The following BICD1 variants were observed in gnomAD, a reference collection of about 807,000 sequenced individuals.
BICD1 encodes the protein BICD cargo adaptor 1.
In BICD1, 35 loss-of-function variants were observed where a neutral mutation model predicts 92.5. The ratio of observed to expected loss-of-function variants is 0.38; its 90% CI spans 0.29 to 0.50. The LOEUF is 0.50. Among genes scored for constraint, BICD1 ranks in the 20% least tolerant of loss-of-function variants. The pLI is 0.93. For synonymous variants in BICD1, 429 were observed against 465.1 expected (o/e 0.92, Z 1.00); for missense variants, 950 against 1,189.8 (o/e 0.80, Z 2.97).
chr12:32,342,917 T>A (rs1212165442), intron 8 of BICD1, among the ~76,000 whole-genome samples: 1 of 152,236 alleles, frequency 6.6e-6, no homozygotes, highest in African/African-American at 2.4e-5. Context: ...AGTAATTGAT[T>A]AATGCATTAT....
At chr12:32,330,389 A>G (rs998823886) in intron 5 of BICD1, among the ~76,000 whole-genome samples, 1 of 138,842 alleles carries the variant, frequency 7.2e-6, no homozygotes, top group African/African-American at 2.7e-5. Flanking sequence ...ACACATGGAC[A>G]CAGGAAGGGG....
intron 8 of BICD1, among the ~76,000 whole-genome samples, chr12:32,364,716 C>T (rs953963122): frequency 2.0e-5 from 3 of 152,054 alleles, no homozygotes; most frequent in African/African-American, 2.4e-5. Flanking sequence ...CTTGGGAGGC[C>T]GAGGCAGGAA....
intron 1 of BICD1, among the ~76,000 whole-genome samples, chr12:32,213,093 C>T (rs912106996): frequency 2.0e-5 from 3 of 152,176 alleles, no homozygotes; most frequent in African/African-American, 7.2e-5. Context: ...CACTAACTAA[C>T]CTAAATAACT....
In BICD1 at chr12:32,220,754, A is replaced by G. The variant is rs1232395881; in HGVS notation, c.426+4295A>G. On this transcript the variant is annotated intron_variant, in intron 2 of 9. Transcript: ENST00000652176. ...CCATCCCATTACTGGGTATATACCC[A>G]AAGGATTATAAATCATGCTGCTATA... Among the ~76,000 whole-genome samples, 3 of 144,912 alleles carry G rather than the reference A, an allele frequency of 2.1e-5. No homozygotes were observed. The East Asian group carries it at 6.1e-4, about 29-fold the overall frequency.
intron 9 of BICD1, among the ~76,000 whole-genome samples, chr12:32,372,705 C>A (rs922984064): frequency 8.6e-5 from 13 of 151,912 alleles, no homozygotes; most frequent in Non-Finnish European, 1.8e-4. Flanking sequence ...TTGGTGAAAC[C>A]CTGTCCTTTA....
intron 1 of BICD1, among the ~76,000 whole-genome samples, chr12:32,167,013 T>A (rs539185085): frequency 1.3e-5 from 2 of 152,206 alleles, no homozygotes; most frequent in Non-Finnish European, 2.9e-5. Context: ...TATCCTTGGG[T>A]AATGGGTTTT....
chr12:32,324,380 G>A (rs1948726795), intron 4 of BICD1, among the ~76,000 whole-genome samples: 1 of 149,410 alleles, frequency 6.7e-6, no homozygotes, highest in Non-Finnish European at 1.5e-5. Flanking sequence ...AAAAAACTTA[G>A]GACACTGAGC....
intron 1 of BICD1, among the ~76,000 whole-genome samples, chr12:32,200,732 A>C (rs1944882349): frequency 6.6e-6 from 1 of 152,220 alleles, no homozygotes; most frequent in South Asian, 2.1e-4. Flanking sequence ...CTTATATGCA[A>C]CATAGGGAAT....
rs184330674 is a variant in BICD1, at chr12:32,195,714, T to C, written c.214-20533T>C. Among the ~76,000 whole-genome samples the C allele has an allele frequency of 1.8e-3, 269 of 152,294 alleles. 2 individuals are homozygous for C. The highest frequency in any genetic ancestry group is 6.0e-3 in the African/African-American group (250 of 41,564). ...TCAGCAAAAAGCTCAACCTTGGTCT[T>C]GGCAATGATTTTTTTGGAAATGACA... On this transcript the variant is annotated intron_variant, in intron 1 of 9. Transcript: ENST00000652176.
intron 8 of BICD1, among the ~76,000 whole-genome samples, chr12:32,345,019 G>A (rs1048668726): frequency 1.3e-5 from 2 of 152,188 alleles, no homozygotes; most frequent in Non-Finnish European, 2.9e-5. Flanking sequence ...AATCAAAAAT[G>A]TTAATTCCTG....
At position 32,350,182 on chromosome 12, in the gene BICD1, T is replaced by C. The variant is rs80258387; in HGVS notation, c.2764+11203T>C. Among the ~76,000 whole-genome samples, 739 of 152,324 alleles carry C rather than the reference T, an allele frequency of 4.9e-3. 3 individuals are homozygous for C. Among genetic ancestry groups the C allele is most frequent in the Non-Finnish European group, 8.6e-3 (585 of 68,026 alleles). ...CCAGGCTTGCTACTTCCCATTCCTT[T>C]ATTTTAAATGATGTAGTGAGCCAGG... On this transcript the variant is annotated intron_variant, in intron 8 of 9. Transcript: ENST00000652176.
At chr12:32,236,461 T>C (rs1946076185) in intron 2 of BICD1, among the ~76,000 whole-genome samples, 1 of 152,124 alleles carries the variant, frequency 6.6e-6, no homozygotes, top group Non-Finnish European at 1.5e-5. Context: ...TTCTGAGTGC[T>C]CCACCCACCA....
intron 2 of BICD1, among the ~76,000 whole-genome samples, chr12:32,252,086 A>AAATATATATTTATAATAAATATTATAT (rs1946556094): frequency 3.7e-5 from 1 of 27,054 alleles, no homozygotes; most frequent in Admixed American, 3.1e-4. Flanking sequence ...ATATATTTAT[A>AAATATATATTTATAATAAATATTATAT]AATATATATT....
At chr12:32,121,335 G>C (rs1942142784) in intron 1 of BICD1, among the ~76,000 whole-genome samples, 1 of 151,532 alleles carries the variant, frequency 6.6e-6, no homozygotes, top group Non-Finnish European at 1.5e-5. Flanking sequence ...GCTCATGCCT[G>C]TAATCCCAGA....
chr12:32,381,270 A>T lies in BICD1; in HGVS notation c.*3643A>T, dbSNP rs1294010067. On this transcript the variant is annotated 3_prime_UTR_variant, in exon 10 of 10. Transcript: ENST00000652176. ...TTGTTCAGAATATAGGACTTTTACT[A>T]AAAAAATTCAATTGTCAGAGTCTAA... The T allele has an allele frequency of 1.3e-5, 2 of 152,090 alleles. No individual in the cohort carries two copies. The highest frequency in any genetic ancestry group is 4.1e-4 in the South Asian group (2 of 4,826). The allele number at this position is 152,090 out of a possible 1,614,324, so 9.4% of individuals were successfully genotyped here. A position where few individuals can be genotyped will look rare whatever the true frequency, so the allele number is the denominator to read the frequency against.
Position 32,328,786 on chromosome 12 carries a change from A to G in BICD1, c.2100+231A>G, listed in dbSNP as rs1475827018. On this transcript the variant is annotated intron_variant, in intron 5 of 9. Transcript: ENST00000652176. The surrounding 1 kb of genome is among the most constrained non-coding windows in gnomAD (Gnocchi z 4.4). ...GCAGAGGTGAGGAACTTAAAGCAGGAACACAGGAGAAGATCTAGATGCCTT... is the reference window on the plus strand; with the variant it reads ...GCAGAGGTGAGGAACTTAAAGCAGGGACACAGGAGAAGATCTAGATGCCTT... Among the ~76,000 whole-genome samples, 1 of 152,172 alleles carries G rather than the reference A, an allele frequency of 6.6e-6. No individual in the cohort carries two copies. Among genetic ancestry groups the G allele is most frequent in the Non-Finnish European group, 1.5e-5 (1 of 68,030 alleles).
intron 1 of BICD1, among the ~76,000 whole-genome samples, chr12:32,132,474 A>G (rs1942585462): frequency 6.6e-6 from 1 of 151,634 alleles, no homozygotes; most frequent in South Asian, 2.1e-4. Context: ...TGAAAATGGC[A>G]AATGGCATTT....
intron 1 of BICD1, among the ~76,000 whole-genome samples, chr12:32,119,887 A>AAACAG (rs1555127033): frequency 4.1e-4 from 62 of 151,976 alleles, no homozygotes; most frequent in African/African-American, 1.5e-3. Flanking sequence ...AAACAAAACA[A>AAACAG]AAAACTGGGA....
chr12:32,276,312 C>T (rs1380878848), intron 2 of BICD1, among the ~76,000 whole-genome samples: 1 of 152,116 alleles, frequency 6.6e-6, no homozygotes, highest in Non-Finnish European at 1.5e-5. Flanking sequence ...TGGCCAACCT[C>T]CCCAACAGCA....
Sources: allele counts gnomAD v4.1 joint callset (sites outside exome capture counted in the v4.1 genomes callset), GRCh38; gene constraint gnomAD v4.1.1; non-coding constraint Gnocchi (gnomAD v3.1); transcripts MANE v1.5; gene names NCBI Gene and HGNC (gene_info 2026-07-23, HGNC 2026-07-21).